The following COL18A1 variants were observed in gnomAD, a reference collection of about 807,000 sequenced individuals.
The protein encoded by COL18A1 is collagen alpha-1(XVIII) chain.
Under a neutral mutation model 168.0 loss-of-function variants are expected in COL18A1, and 133 were observed. The observed-to-expected ratio is 0.79, with a 90% CI of 0.69 to 0.91. The LOEUF is 0.91. Ranked by LOEUF, COL18A1 falls within the 40% of genes least tolerant of loss-of-function variation. COL18A1 has a pLI of 0.00. For synonymous variants in COL18A1, 949 were observed against 809.0 expected (o/e 1.17, Z -2.94); for missense variants, 2,126 against 1,925.4 (o/e 1.10, Z -1.95).
At chr21:45,429,900 T>C (rs1602363315) in intron 2 of COL18A1, among the ~76,000 whole-genome samples, 1 of 151,120 alleles carries the variant, frequency 6.6e-6, no homozygotes, top group South Asian at 2.1e-4. Flanking sequence ...TGAAGCGGGG[T>C]CATGGTTTTG....
chr21:45,429,136 T>A (rs937396485), intron 2 of COL18A1, among the ~76,000 whole-genome samples: 6 of 152,106 alleles, frequency 3.9e-5, no homozygotes, highest in African/African-American at 1.2e-4. Flanking sequence ...CTTCCGACCT[T>A]GTGATCTGCC....
intron 2 of COL18A1, among the ~76,000 whole-genome samples, chr21:45,418,906 C>T (rs750848017): frequency 4.6e-5 from 7 of 152,338 alleles, no homozygotes; most frequent in Admixed American, 6.5e-5. Context: ...ACCCCCCGGA[C>T]GGCTTGCAGG....
chr21:45,500,043 G>GGTCGAGGCACCCAGAGGCTGGT (rs1261209503), intron 32 of COL18A1, among the ~76,000 whole-genome samples: 2 of 152,072 alleles, frequency 1.3e-5, no homozygotes, highest in Non-Finnish European at 2.9e-5. Context: ...GGGCTGGAGA[G>GGTCGAGGCACCCAGAGGCTGGT]GTCGAGGCAC....
At chr21:45,479,251 C>T (rs2035796700) in intron 9 of COL18A1, among the ~76,000 whole-genome samples, 1 of 152,000 alleles carries the variant, frequency 6.6e-6, no homozygotes. Flanking sequence ...ACACACCACA[C>T]ATTACACACC....
At chr21:45,455,073 C>G (rs1422950008) in intron 2 of COL18A1, among the ~76,000 whole-genome samples, 1 of 152,260 alleles carries the variant, frequency 6.6e-6, no homozygotes, top group Non-Finnish European at 1.5e-5. Context: ...TTCCAAGTTT[C>G]CCACAACACA....
At chr21:45,413,620 CCTTT>C (rs2033362024) in intron 2 of COL18A1, among the ~76,000 whole-genome samples, 1 of 152,220 alleles carries the variant, frequency 6.6e-6, no homozygotes, top group Non-Finnish European at 1.5e-5. Context: ...ACATCCGCTT[CCTTT>C]CTGTTATCAT....
intron 2 of COL18A1, among the ~76,000 whole-genome samples, chr21:45,462,503 T>C (rs1163225407): frequency 6.6e-6 from 1 of 152,220 alleles, no homozygotes; most frequent in Non-Finnish European, 1.5e-5. Flanking sequence ...AGCTCATTAA[T>C]TTATTCTTTT....
rs79292579 is a variant in COL18A1 at position 45,480,787 on chromosome 21, G to A, written c.1540G>A (p.Asp514Asn). Residue 514 changes from aspartate to asparagine, a missense_variant, in exon 13 of 42, where the codon GAC becomes AAC. Physicochemically the swap from Asp to Asn is conservative, Grantham distance 23. Coordinates refer to ENST00000651438, the MANE Select transcript of COL18A1 (RefSeq NM_001379500.1). The part of the protein sequence containing the change: ...EPGRFGVNSS[D>N]VPGPAGLPGV... ...AGGCCGCTTTGGGGTGAACAGCTCC[G>A]ACGTCCCAGGACCCGCCGGCCTTCC... 1.8e-4 allele frequency: 282 copies of A among 1,611,354 alleles called. 2 individuals carry two copies. In the African/African-American group the frequency reaches 2.9e-3, roughly 16 times the overall value.
At position 45,476,476 on chromosome 21, in the gene COL18A1, A is replaced by G. The variant is rs1319849310; in HGVS notation, c.924A>G (p.Leu308=). 2 of 1,604,856 alleles carry G rather than the reference A, an allele frequency of 1.2e-6. No homozygotes were observed. Among genetic ancestry groups the G allele is most frequent in the Non-Finnish European group, 1.7e-6 (2 of 1,175,552 alleles). Residue 308 remains leucine (L), a synonymous_variant, in exon 6 of 42, where the codon TTA becomes TTG. Transcript: ENST00000651438. The part of the protein sequence containing the change: ...EVEEQTTVAS[L]GAQTLPGSDS... ...AGGAGCAGACCACGGTGGCTTCGTT[A>G]GGAGGTAAGCTCTTTTCTGGATGTG...
chr21:45,487,985 T>C (rs1465757107), intron 17 of COL18A1, among the ~76,000 whole-genome samples: 2 of 152,148 alleles, frequency 1.3e-5, no homozygotes, highest in Non-Finnish European at 1.5e-5. Context: ...CTCAGACAGC[T>C]CAGACGTGCC....
intron 2 of COL18A1, among the ~76,000 whole-genome samples, chr21:45,436,071 G>C (rs1393648940): frequency 6.6e-6 from 1 of 152,212 alleles, no homozygotes; most frequent in Non-Finnish European, 1.5e-5. Flanking sequence ...CGTTTATAAA[G>C]CCAGCACAAT....
chr21:45,483,229 C>A (rs915454004), intron 15 of COL18A1, among the ~76,000 whole-genome samples: 1 of 152,102 alleles, frequency 6.6e-6, no homozygotes, highest in Admixed American at 6.5e-5. Context: ...GAGCTGGGCC[C>A]CCCAACATCC....
chr21:45,507,731 C>T (rs1230112055), intron 38 of COL18A1, 138 bp downstream of exon 38: 35 of 826,914 alleles, frequency 4.2e-5, no homozygotes, highest in South Asian at 2.2e-4. Context: ...GCCCCTGCTG[C>T]AGAAACTGGT....
intron 21 of COL18A1, 40 bp from the exon 22 acceptor site, chr21:45,491,185 G>A (rs761560088): frequency 1.6e-5 from 25 of 1,531,724 alleles, no homozygotes; most frequent in South Asian, 4.5e-5. Context: ...TGGCCAGAGC[G>A]GTTGAGATGA....
rs374976416 is a variant in COL18A1, at chr21:45,497,622, A to G, written c.2644A>G (p.Lys882Glu). 15 of 1,567,658 alleles carry G rather than the reference A, an allele frequency of 9.6e-6. No individual in the cohort carries two copies. Among genetic ancestry groups the G allele is most frequent in the Non-Finnish European group, 1.3e-5 (15 of 1,156,716 alleles). Residue 882 changes from lysine to glutamate, a missense_variant, in exon 32 of 42, where the codon AAG (lysine) becomes GAG (glutamate). By Grantham distance (56) the Lys-to-Glu change is moderately conservative (BLOSUM62 1). Transcript: ENST00000651438. Reference protein sequence around the residue: ...LPGNQGPPGPKGAKGEVGPPG... With the variant: ...LPGNQGPPGPEGAKGEVGPPG... ...AGGGAATCAGGGCCCTCCAGGACCC[A>G]AGGGCGCCAAAGGAGAAGTGGGCCC...
intron 2 of COL18A1, chr21:45,455,994 C>G (rs761130894): frequency 6.2e-7 from 1 of 1,612,956 alleles, no homozygotes; most frequent in South Asian, 1.1e-5. Context: ...CTTGCCCTCG[C>G]TGGGCCTTCC....
rs111693632 is a variant in COL18A1 at position 45,460,873 on chromosome 21, G to A, written c.107-7369G>A. 4.8e-3 allele frequency among the ~76,000 whole-genome samples: 726 copies of A among 152,334 alleles called. 4 individuals carry two copies. Among genetic ancestry groups the A allele is most frequent in the African/African-American group, 0.016 (671 of 41,572 alleles). ...CTCCTACTGGAGTGTCAAGGGCCCA[G>A]TGCATTGGGTGCAGTTGTCTGTGGG... On this transcript the variant is annotated intron_variant, in intron 2 of 41. Coordinates refer to ENST00000651438, the MANE Select transcript of COL18A1 (RefSeq NM_001379500.1).
chr21:45,451,671 T>C (rs1273677678), intron 2 of COL18A1, among the ~76,000 whole-genome samples: 1 of 152,020 alleles, frequency 6.6e-6, no homozygotes, highest in South Asian at 2.1e-4. Context: ...GGGAAGGCGG[T>C]GGGATTTGAA....
intron 2 of COL18A1, among the ~76,000 whole-genome samples, chr21:45,446,926 A>G (rs972302368): frequency 6.6e-6 from 1 of 152,384 alleles, no homozygotes; most frequent in Non-Finnish European, 1.5e-5. Context: ...ATGCAGAGAA[A>G]GTATTGGACA....
Sources: gnomAD v4.1 joint callset for allele counts (sites outside exome capture counted in the v4.1 genomes callset) on GRCh38, gnomAD v4.1.1 for gene constraint, MANE v1.5 for transcripts, NCBI Gene and HGNC (gene_info 2026-07-23, HGNC 2026-07-21) for gene names.